The following SFI1 variants were observed in gnomAD, a reference collection of about 807,000 sequenced individuals.
SFI1 encodes the protein protein SFI1 homolog.
Under a neutral mutation model 207.5 loss-of-function variants are expected in SFI1, and 195 were observed. The ratio of observed to expected loss-of-function variants is 0.94; its 90% CI spans 0.84 to 1.06. The LOEUF is 1.06. Among genes scored for constraint, SFI1 ranks in the 50% least tolerant of loss-of-function variants. The pLI is 0.00. For missense variants in SFI1, 1,634 were observed against 1,588.0 expected, an observed-to-expected ratio of 1.03 and a Z score of -0.49; for synonymous variants, 630 against 598.9, an observed-to-expected ratio of 1.05 and a Z score of -0.76.
In SFI1 at chr22:31,556,966, C is replaced by A; in HGVS notation, c.569C>A (p.Ala190Asp). Residue 190 changes from alanine to aspartate, a missense_variant, in exon 7 of 33, where the codon GCC (alanine) becomes GAC (aspartate). Physicochemically the swap from Ala to Asp is moderately radical, Grantham distance 126. Transcript: ENST00000400288. ...VHDAKQKMRQ[A>D]WKSWLIYVVV... ...GATGCAAAGCAAAAGATGCGACAGG[C>A]CTGGAAGTCCTGGTTGATCTACGTG... 2 of 1,609,608 alleles carry A rather than the reference C, an allele frequency of 1.2e-6. No homozygotes were observed. Among genetic ancestry groups the A allele is most frequent in the Non-Finnish European group, 1.7e-6 (2 of 1,177,568 alleles).
chr22:31,545,996 G>A (rs1294063635), intron 4 of SFI1, among the ~76,000 whole-genome samples: 2 of 149,352 alleles, frequency 1.3e-5, no homozygotes, highest in Non-Finnish European at 3.0e-5. Context: ...GGGCTCAAGC[G>A]ATCCTCCCAC....
chr22:31,607,867 C>T (rs2069325847), intron 21 of SFI1, 70 bp from the exon 22 acceptor site: 5 of 1,433,592 alleles, frequency 3.5e-6, no homozygotes, highest in East Asian at 2.3e-5. Context: ...GAGCCACCGT[C>T]ACAGACCTGG....
At chr22:31,611,878 T>A in intron 24 of SFI1, 38 bp downstream of exon 24, 1 of 1,611,122 alleles carries the variant, frequency 6.2e-7, no homozygotes, top group Non-Finnish European at 8.5e-7. Flanking sequence ...CACTTCCTTC[T>A]CCATCCTCTG....
intron 1 of SFI1, among the ~76,000 whole-genome samples, chr22:31,504,903 C>T (rs1317757721): frequency 6.6e-6 from 1 of 152,144 alleles, no homozygotes; most frequent in Non-Finnish European, 1.5e-5. Flanking sequence ...TCCCATGTGA[C>T]CTCATCTTAA....
At chr22:31,599,884 T>A (rs867498267) in intron 15 of SFI1, among the ~76,000 whole-genome samples, 1 of 151,834 alleles carries the variant, frequency 6.6e-6, no homozygotes, top group Admixed American at 6.6e-5. Context: ...GTTGTTATTT[T>A]TTTTTTTTTT....
chr22:31,511,379 A>G (rs1003244609), intron 2 of SFI1, among the ~76,000 whole-genome samples: 2 of 151,540 alleles, frequency 1.3e-5, no homozygotes, highest in African/African-American at 2.4e-5. Flanking sequence ...AGTACTCTTT[A>G]GGCCTGCTTT....
At chr22:31,601,597 T>C (rs1181056687) in intron 15 of SFI1, among the ~76,000 whole-genome samples, 1 of 152,172 alleles carries the variant, frequency 6.6e-6, no homozygotes, top group Admixed American at 6.5e-5. Flanking sequence ...CCTTTATCAG[T>C]GCTGTTAAGT....
At chr22:31,512,703 T>C (rs1330588528) in intron 2 of SFI1, among the ~76,000 whole-genome samples, 1 of 151,628 alleles carries the variant, frequency 6.6e-6, no homozygotes, top group Non-Finnish European at 1.5e-5. Flanking sequence ...TTTTTTTTTT[T>C]TGAGACGGAG....
chr22:31,502,764 G>A lies in SFI1; in HGVS notation c.-30-5491G>A, dbSNP rs57125303. Among the ~76,000 whole-genome samples the A allele has an allele frequency of 4.1e-3, 617 of 152,130 alleles. 4 individuals carry two copies. The highest frequency in any genetic ancestry group is 0.014 in the African/African-American group (567 of 41,516). On this transcript the variant is annotated intron_variant, in intron 1 of 32. Transcript: ENST00000400288. The stretch of plus-strand genomic sequence containing the variant: ...ATTTTGGTCTCTTTTTTATTTGTTG[G>A]AGGTCTTTTCTAAATGTTTTATGAT...
intron 4 of SFI1, among the ~76,000 whole-genome samples, chr22:31,535,795 G>A (rs946389754): frequency 9.9e-5 from 15 of 151,936 alleles, no homozygotes; most frequent in Non-Finnish European, 1.6e-4. Context: ...GCCCTGCAGT[G>A]GTGTGATCAT....
chr22:31,549,288 T>TAAAAAAAAAA lies in SFI1; in HGVS notation c.450-948_450-939dup, dbSNP rs59382278. Among the ~76,000 whole-genome samples, 26 of 37,212 alleles carry TAAAAAAAAAA rather than the reference T, an allele frequency of 7.0e-4. 3 individuals carry two copies. The highest frequency in any genetic ancestry group is 1.7e-3 in the African/African-American group (14 of 8,066). 24.4% of individuals were successfully genotyped at this position (37,212 alleles called of 152,430 possible). A position where few individuals can be genotyped will look rare whatever the true frequency, so the allele number is the denominator to read the frequency against. On this transcript the variant is annotated intron_variant, in intron 5 of 32. Transcript: ENST00000400288. ...CTAGGTGACAGAGTGAGACCCTGTG[T>TAAAAAAAAAA]AAAAAAAAAAAAAAAAAAAAAAAAA...
chr22:31,591,266 G>C (rs200617964), intron 15 of SFI1, among the ~76,000 whole-genome samples: 1 of 152,262 alleles, frequency 6.6e-6, no homozygotes, highest in East Asian at 1.9e-4. Flanking sequence ...ACATGTTTCA[G>C]AGAGCACAGG....
chr22:31,594,338 A>G (rs1176006658), intron 15 of SFI1, among the ~76,000 whole-genome samples: 3 of 151,910 alleles, frequency 2.0e-5, no homozygotes, highest in Admixed American at 1.3e-4. Context: ...TCACAAGGTC[A>G]AGAGTTCAAG....
At chr22:31,511,608 C>A (rs1056118624) in intron 2 of SFI1, among the ~76,000 whole-genome samples, 4 of 151,740 alleles carry the variant, frequency 2.6e-5, no homozygotes, top group African/African-American at 9.7e-5. Flanking sequence ...AAATACCCTG[C>A]TGCTTTAGGC....
Position 31,602,596 on chromosome 22 carries a change from T to G in SFI1, c.1627-11T>G. ...GATTTATTCTGTTCTCTCCTTCCTG[T>G]CCTGCCTCAGGCCATCCTTCACGCA... On this transcript the variant is annotated splice_polypyrimidine_tract_variant and intron_variant, in intron 16 of 32. Coordinates refer to ENST00000400288, the MANE Select transcript of SFI1 (RefSeq NM_001007467.3). 1.2e-6 allele frequency: 2 copies of G among 1,613,928 alleles called. No individual in the cohort carries two copies. Among genetic ancestry groups the G allele is most frequent in the South Asian group, 2.2e-5 (2 of 91,058 alleles).
At position 31,615,033 on chromosome 22, in the gene SFI1, C is replaced by A; in HGVS notation, c.3069-15C>A. On this transcript the variant is annotated splice_polypyrimidine_tract_variant and intron_variant, in intron 28 of 32. Coordinates refer to ENST00000400288, the MANE Select transcript of SFI1 (RefSeq NM_001007467.3). ...TCCTGTGGCCTGACCAGGCTCTTGC[C>A]TTCCCTGTGCTCAGGCCTCAGAAGC... 6.2e-7 allele frequency: 1 copy of A among 1,611,466 alleles called. No individual in the cohort carries two copies. Among genetic ancestry groups the A allele is most frequent in the Non-Finnish European group, 8.5e-7 (1 of 1,179,242 alleles).
chr22:31,573,438 A>AT (rs199990631), intron 9 of SFI1, among the ~76,000 whole-genome samples: 14,768 of 141,520 alleles, frequency 0.1, 821 homozygotes, highest in South Asian at 0.14. Flanking sequence ...CTGTAGATAG[A>AT]TTTTTTTTTT....
In SFI1 at chr22:31,612,378, T is replaced by TGAAAAAAAAAAAAA. The variant is rs1220311850; in HGVS notation, c.2490+538_2490+539insGAAAAAAAAAAAAA. On this transcript the variant is annotated intron_variant, in intron 24 of 32. Coordinates refer to ENST00000400288, the MANE Select transcript of SFI1 (RefSeq NM_001007467.3). ...CCGGGCAACAGAGCGAGACTCTGTC[T>TGAAAAAAAAAAAAA]AAAAAAAAAAAAAAAAAAAAATATA... 8.0e-5 allele frequency: 5 copies of TGAAAAAAAAAAAAA among 62,264 alleles called. 1 individual carries two copies. The highest frequency in any genetic ancestry group is 3.7e-4 in the African/African-American group (4 of 10,834). The allele number at this position is 62,264 out of a possible 1,614,324, so 3.9% of individuals were successfully genotyped here. A position where few individuals can be genotyped will look rare whatever the true frequency, so the allele number is the denominator to read the frequency against.
At chr22:31,575,112 G>C in intron 9 of SFI1, 119 bp from the exon 10 acceptor site, 1 of 577,702 alleles carries the variant, frequency 1.7e-6, no homozygotes, top group Non-Finnish European at 2.8e-6. Flanking sequence ...GTGTGTGTGT[G>C]TGTGTGTGTG....
Sources: allele counts gnomAD v4.1 joint callset (sites outside exome capture counted in the v4.1 genomes callset), GRCh38; gene constraint gnomAD v4.1.1; transcripts MANE v1.5; gene names NCBI Gene and HGNC (gene_info 2026-07-23, HGNC 2026-07-21).